RBMS3: variants seen among roughly 807,000 people sequenced by gnomAD.
The protein encoded by RBMS3 is RNA binding motif single stranded interacting protein 3.
In RBMS3, 27 loss-of-function variants were observed where a neutral mutation model predicts 66.8. The ratio of observed to expected loss-of-function variants is 0.40; its 90% CI spans 0.30 to 0.56. The LOEUF is 0.56. Ranked by LOEUF, RBMS3 falls within the 20% of genes least tolerant of loss-of-function variation. The pLI, the probability that RBMS3 is intolerant of heterozygous loss-of-function variation, is 0.40. For missense variants in RBMS3, 513 were observed against 549.5 expected (o/e 0.93, Z 0.66); for synonymous variants, 188 against 183.0 (o/e 1.03, Z -0.22).
At chr3:29,706,095 G>T (rs947929060) in intron 4 of RBMS3, among the ~76,000 whole-genome samples, 7 of 152,140 alleles carry the variant, frequency 4.6e-5, no homozygotes, top group Non-Finnish European at 7.3e-5. Context: ...AGTCTGTTGT[G>T]ACAGAATAAT....
intron 6 of RBMS3, among the ~76,000 whole-genome samples, chr3:29,835,508 T>C (rs4680858): frequency 0.52 from 78,415 of 151,510 alleles, 20,744 homozygotes; most frequent in Non-Finnish European, 0.57. Flanking sequence ...TATGTGAAAA[T>C]TAAACAACAC....
At chr3:29,822,368 G>C (rs976362881) in intron 6 of RBMS3, among the ~76,000 whole-genome samples, 2 of 152,084 alleles carry the variant, frequency 1.3e-5, no homozygotes, top group Non-Finnish European at 2.9e-5. Flanking sequence ...GATGTCTAAG[G>C]CTTTGGAATT....
At chr3:29,963,274 G>A (rs1025368399) in intron 12 of RBMS3, among the ~76,000 whole-genome samples, 12 of 152,156 alleles carry the variant, frequency 7.9e-5, no homozygotes, top group African/African-American at 7.2e-5. Flanking sequence ...TTAAATGCCC[G>A]AATGCCCAGG....
rs191979352 is a variant in RBMS3 at position 29,424,349 on chromosome 3, G to A, written c.76-10394G>A. On this transcript the variant is annotated intron_variant, in intron 1 of 14. Transcript: ENST00000383767. ...CCCTCTTTTGCTCTCAAATTTTCCC[G>A]GTTTGTAAGATAAATATTAAGTCAC... is the stretch of plus-strand genomic sequence containing the variant. 1.2e-3 allele frequency among the ~76,000 whole-genome samples: 184 copies of A among 152,138 alleles called. 2 individuals carry two copies. The highest frequency in any genetic ancestry group is 0.01 in the Middle Eastern group (3 of 294).
chr3:29,325,375 C>T (rs752429106), intron 1 of RBMS3, among the ~76,000 whole-genome samples: 1 of 152,078 alleles, frequency 6.6e-6, no homozygotes, highest in East Asian at 1.9e-4. Flanking sequence ...TATCGTTATA[C>T]CGTTTTGTAT....
chr3:29,489,432 G>GTCT (rs2043444265), intron 3 of RBMS3, among the ~76,000 whole-genome samples: 1 of 151,712 alleles, frequency 6.6e-6, no homozygotes, highest in African/African-American at 2.4e-5. Flanking sequence ...CATATTACAA[G>GTCT]ACAAAGAATA....
intron 4 of RBMS3, among the ~76,000 whole-genome samples, chr3:29,717,902 C>A (rs1032755840): frequency 1.3e-5 from 2 of 152,050 alleles, no homozygotes; most frequent in African/African-American, 4.8e-5. Flanking sequence ...TTTTGTATTT[C>A]TCAGGGAAAA....
intron 4 of RBMS3, among the ~76,000 whole-genome samples, chr3:29,669,401 A>G (rs2050899431): frequency 6.6e-6 from 1 of 152,214 alleles, no homozygotes; most frequent in African/African-American, 2.4e-5. Context: ...ATTTTACAGT[A>G]GACAATACTG....
chr3:29,681,669 G>A (rs952424144), intron 4 of RBMS3, among the ~76,000 whole-genome samples: 2 of 152,236 alleles, frequency 1.3e-5, no homozygotes, highest in Admixed American at 6.5e-5. Context: ...CCATGTCCCT[G>A]CAAAGGACAT....
At chr3:29,290,168 T>C (rs1438329863) in intron 1 of RBMS3, among the ~76,000 whole-genome samples, 2 of 151,868 alleles carry the variant, frequency 1.3e-5, no homozygotes, top group African/African-American at 4.8e-5. Flanking sequence ...TTAACACTTG[T>C]CAATCATATA....
intron 6 of RBMS3, among the ~76,000 whole-genome samples, chr3:29,863,162 A>C (rs2059260396): frequency 6.6e-6 from 1 of 150,746 alleles, no homozygotes; most frequent in African/African-American, 2.4e-5. Context: ...GAAATAGCAC[A>C]TTTGAAAATG....
chr3:29,575,150 A>G (rs1025760502), intron 3 of RBMS3, among the ~76,000 whole-genome samples: 1 of 152,116 alleles, frequency 6.6e-6, no homozygotes, highest in African/African-American at 2.4e-5. Context: ...ATTGAAGAAC[A>G]CCCTTTAGCA....
At chr3:29,338,960 C>T (rs908562565) in intron 1 of RBMS3, among the ~76,000 whole-genome samples, 1 of 152,120 alleles carries the variant, frequency 6.6e-6, no homozygotes, top group African/African-American at 2.4e-5. Context: ...CAAATGATTG[C>T]TTCACCTGTT....
chr3:29,291,077 A>G (rs2032771539), intron 1 of RBMS3, among the ~76,000 whole-genome samples: 1 of 151,990 alleles, frequency 6.6e-6, no homozygotes, highest in Non-Finnish European at 1.5e-5. Context: ...TTTTTCAGGT[A>G]CAAAGAGATT....
chr3:29,484,763 A>G (rs2043260388), intron 2 of RBMS3, among the ~76,000 whole-genome samples: 1 of 152,168 alleles, frequency 6.6e-6, no homozygotes, highest in Non-Finnish European at 1.5e-5. Flanking sequence ...GATATGCTCC[A>G]TTACCATCCT....
chr3:29,922,702 A>G (rs937787000), intron 10 of RBMS3, among the ~76,000 whole-genome samples: 49 of 152,146 alleles, frequency 3.2e-4, no homozygotes, highest in Non-Finnish European at 6.0e-4. Context: ...CTTACTACTA[A>G]AAGTATTGCT....
At chr3:29,690,835 A>G (rs913226076) in intron 4 of RBMS3, among the ~76,000 whole-genome samples, 22 of 152,272 alleles carry the variant, frequency 1.4e-4, no homozygotes, top group African/African-American at 5.3e-4. Context: ...GACTAGTGTT[A>G]ATTTATCACC....
intron 5 of RBMS3, among the ~76,000 whole-genome samples, chr3:29,750,011 G>T (rs1002420211): frequency 6.6e-6 from 1 of 152,146 alleles, no homozygotes; most frequent in Admixed American, 6.5e-5. Flanking sequence ...TTACCCCGTT[G>T]CTATAAGCTA....
chr3:29,763,892 C>T (rs1559646638), intron 6 of RBMS3, among the ~76,000 whole-genome samples: 1 of 152,160 alleles, frequency 6.6e-6, no homozygotes, highest in East Asian at 1.9e-4. Context: ...CAGTTATTCT[C>T]AGAGGAGACT....
Sources: gnomAD v4.1 joint callset for allele counts (sites outside exome capture counted in the v4.1 genomes callset) on GRCh38, gnomAD v4.1.1 for gene constraint, MANE v1.5 for transcripts, NCBI Gene and HGNC (gene_info 2026-07-23, HGNC 2026-07-21) for gene names.